The following PRH1 variants were observed in gnomAD, a reference collection of about 807,000 sequenced individuals.
PRH1 encodes the protein proline rich protein HaeIII subfamily 1.
A neutral mutation model predicts 7.9 loss-of-function variants in PRH1; 7 were observed. That is an observed-to-expected ratio of 0.89 (90% CI 0.50 to 1.67). The LOEUF is 1.67. Among genes scored for constraint, PRH1 ranks in the 40% most tolerant of loss-of-function variants. PRH1 has a pLI of 0.00. For synonymous variants in PRH1, 45 were observed against 80.8 expected, an observed-to-expected ratio of 0.56 and a Z score of 2.38; for missense variants, 109 against 223.6, an observed-to-expected ratio of 0.49 and a Z score of 3.27.
chr12:11,017,625 C>T (rs908386109), intron 1 of PRH1, among the ~76,000 whole-genome samples: 26 of 152,018 alleles, frequency 1.7e-4, no homozygotes, highest in Admixed American at 3.3e-4. Flanking sequence ...GCTGGGTTTA[C>T]GGGCATTGGC....
At chr12:10,904,765 C>T (rs1949778226) in intron 2 of PRH1, among the ~76,000 whole-genome samples, 1 of 152,042 alleles carries the variant, frequency 6.6e-6, no homozygotes, top group Non-Finnish European at 1.5e-5. Flanking sequence ...GTAAGATTTG[C>T]AAACTATGCA....
At chr12:10,924,865 T>G (rs1950103060) in intron 2 of PRH1, among the ~76,000 whole-genome samples, 1 of 152,208 alleles carries the variant, frequency 6.6e-6, no homozygotes, top group Admixed American at 6.5e-5. Flanking sequence ...TATCATTTTT[T>G]GGGGGGTCTA....
At chr12:11,115,170 C>G (rs1216040377) in intron 1 of PRH1, among the ~76,000 whole-genome samples, 1 of 152,012 alleles carries the variant, frequency 6.6e-6, no homozygotes, top group Non-Finnish European at 1.5e-5. Context: ...CACACTTTGT[C>G]TATAAAGACA....
chr12:11,004,102 G>A (rs10845283), intron 1 of PRH1, among the ~76,000 whole-genome samples: 33,895 of 151,956 alleles, frequency 0.22, 3,822 homozygotes, highest in Non-Finnish European at 0.24. Context: ...TAATTGCACT[G>A]ATTTATAATC....
chr12:11,032,126 C>T (rs1942250695), intron 1 of PRH1, among the ~76,000 whole-genome samples: 2 of 152,178 alleles, frequency 1.3e-5, no homozygotes, highest in Non-Finnish European at 2.9e-5. Context: ...CTGAAATTGA[C>T]GTGAAACCTG....
intron 2 of PRH1, among the ~76,000 whole-genome samples, chr12:10,955,507 C>T (rs1005700360): frequency 6.6e-6 from 1 of 151,824 alleles, no homozygotes; most frequent in African/African-American, 2.4e-5. Flanking sequence ...AATAACATAA[C>T]TTCACAAGAG....
intron 1 of PRH1, among the ~76,000 whole-genome samples, chr12:11,165,860 T>C (rs1947559630): frequency 1.3e-5 from 2 of 152,128 alleles, no homozygotes; most frequent in African/African-American, 2.4e-5. Flanking sequence ...GCTTCAAGAG[T>C]CCACACATGC....
chr12:11,091,696 A>G lies in PRH1; in HGVS notation n.124-44508T>C. On this transcript the variant is annotated intron_variant and non_coding_transcript_variant, in intron 1 of 4. Coordinates refer to the PRH1 transcript ENST00000541977. ...GTACTAAGTTTGCTACCATGGTTAC[A>G]GTCATATTTGAAAAGTACATTGCAC... 2 of 1,259,070 alleles carry G rather than the reference A, an allele frequency of 1.6e-6. 1 individual carries two copies. Among genetic ancestry groups the G allele is most frequent in the African/African-American group, 3.1e-5 (2 of 64,524 alleles). 78.0% of individuals were successfully genotyped at this position (1,259,070 alleles called of 1,614,324 possible).
intron 1 of PRH1, among the ~76,000 whole-genome samples, chr12:11,130,593 C>T (rs1453879192): frequency 6.6e-6 from 1 of 152,208 alleles, no homozygotes. Context: ...CCAGATGATC[C>T]AGCGGAATTC....
At chr12:11,102,030 T>G (rs1945270073) in intron 1 of PRH1, among the ~76,000 whole-genome samples, 1 of 151,780 alleles carries the variant, frequency 6.6e-6, no homozygotes, top group Non-Finnish European at 1.5e-5. Flanking sequence ...CACTGCTCAA[T>G]GAAATAAAAG....
At chr12:10,935,894 G>T (rs913950375) in intron 2 of PRH1, among the ~76,000 whole-genome samples, 1 of 152,098 alleles carries the variant, frequency 6.6e-6, no homozygotes, top group African/African-American at 2.4e-5. Flanking sequence ...AACTTTCAAG[G>T]ATAGGAGCGC....
At chr12:11,135,290 A>G (rs1946514481) in intron 1 of PRH1, among the ~76,000 whole-genome samples, 1 of 152,082 alleles carries the variant, frequency 6.6e-6, no homozygotes, top group Non-Finnish European at 1.5e-5. Flanking sequence ...AAATTAATAC[A>G]CTTTGCATAG....
intron 1 of PRH1, 47 bp from the exon 2 acceptor site, chr12:10,883,143 T>A (rs868526043): frequency 3.8e-6 from 6 of 1,589,514 alleles, no homozygotes; most frequent in Middle Eastern, 1.8e-4. Context: ...TCCTGAATCA[T>A]TCAAGGCTCA....
chr12:10,922,268 C>T (rs1289779163), intron 2 of PRH1, among the ~76,000 whole-genome samples: 4 of 152,104 alleles, frequency 2.6e-5, no homozygotes, highest in East Asian at 1.9e-4. Flanking sequence ...TGAATATGTG[C>T]CTCATTCATC....
chr12:11,143,641 A>G (rs759129489), intron 1 of PRH1, among the ~76,000 whole-genome samples: 2 of 152,196 alleles, frequency 1.3e-5, no homozygotes, highest in Non-Finnish European at 2.9e-5. Flanking sequence ...AGGGATGGAA[A>G]AAGACACTCC....
intron 1 of PRH1, among the ~76,000 whole-genome samples, chr12:11,046,223 G>T (rs1478631488): frequency 6.6e-6 from 1 of 152,084 alleles, no homozygotes. Context: ...TGTAGTTTAG[G>T]TTTTCAAGAA....
At chr12:11,014,777 A>G (rs1013187318) in intron 1 of PRH1, among the ~76,000 whole-genome samples, 11 of 152,180 alleles carry the variant, frequency 7.2e-5, no homozygotes, top group Non-Finnish European at 1.3e-4. Flanking sequence ...CCCAGATAAC[A>G]GTACCCAGAG....
rs571851512 is a variant in PRH1 at position 11,083,180 on chromosome 12, T to C, written n.124-35992A>G. 2.3e-4 allele frequency among the ~76,000 whole-genome samples: 28 copies of C among 121,506 alleles called. 5 individuals carry two copies. Among genetic ancestry groups the C allele is most frequent in the Non-Finnish European group, 4.8e-4 (25 of 51,570 alleles). The allele number at this position is 121,506 out of a possible 152,430, so 79.7% of individuals were successfully genotyped here. A position where few individuals can be genotyped will look rare whatever the true frequency, so the allele number is the denominator to read the frequency against. ...TTAATGTCTGTATAACTATAATTTA[T>C]TGGAAATTCACTACTTTCTGCAACT... On this transcript the variant is annotated intron_variant and non_coding_transcript_variant, in intron 1 of 4. Coordinates refer to the PRH1 transcript ENST00000541977.
chr12:11,016,917 CA>C (rs1490351031), intron 1 of PRH1, among the ~76,000 whole-genome samples: 1 of 152,216 alleles, frequency 6.6e-6, no homozygotes, highest in Non-Finnish European at 1.5e-5. Context: ...ACTACCATGA[CA>C]AAACACTTGA....
Sources: gnomAD v4.1 joint callset for allele counts (sites outside exome capture counted in the v4.1 genomes callset) on GRCh38, gnomAD v4.1.1 for gene constraint, MANE v1.5 for transcripts, NCBI Gene and HGNC (gene_info 2026-07-23, HGNC 2026-07-21) for gene names.